Variants in XPR1 observed in about 807,000 individuals in gnomAD.
The protein encoded by XPR1 is xenotropic and polytropic retrovirus receptor 1, also known as solute carrier family 53 member 1.
XPR1 carries 28 observed loss-of-function variants against 87.5 expected under a neutral mutation model. The observed-to-expected ratio is 0.32, with a 90% CI of 0.24 to 0.44. The LOEUF (loss-of-function observed/expected upper bound fraction) is 0.44. Among genes scored for constraint, XPR1 ranks in the 20% least tolerant of loss-of-function variants. XPR1 has a pLI of 1.00. For synonymous variants in XPR1, 300 were observed against 306.1 expected (o/e 0.98, Z 0.21); for missense variants, 559 against 862.3 (o/e 0.65, Z 4.41).
At chr1:180,734,973 T>C (rs1322312712) in intron 2 of XPR1, among the ~76,000 whole-genome samples, 1 of 152,196 alleles carries the variant, frequency 6.6e-6, no homozygotes, top group Non-Finnish European at 1.5e-5. Flanking sequence ...TGTGCATAAT[T>C]AGTAGAATTC....
At chr1:180,876,909 T>C (rs1463827257) in intron 13 of XPR1, among the ~76,000 whole-genome samples, 2 of 152,124 alleles carry the variant, frequency 1.3e-5, no homozygotes, top group East Asian at 1.9e-4. Flanking sequence ...AGAACTATCA[T>C]AATTGGAAAG....
At chr1:180,688,417 A>G (rs1432586767) in intron 2 of XPR1, among the ~76,000 whole-genome samples, 1 of 151,958 alleles carries the variant, frequency 6.6e-6, no homozygotes, top group Non-Finnish European at 1.5e-5. Flanking sequence ...TGCATATTTA[A>G]ATTTTTACTA....
Position 180,806,147 on chromosome 1 carries a change from C to T in XPR1, c.533C>T (p.Ala178Val). The change falls in exon 5 of 15, where the codon GCT (alanine) becomes GTT (valine). Residue 178 changes from alanine to valine, a missense_variant. Ala to Val is a moderately conservative substitution (Grantham distance 64). Transcript: ENST00000367590. ...ETSRGADWRV[A>V]HVEVAPFYTC... is the part of the protein sequence containing the mutation. ...TCTCGTGGAGCAGATTGGCGAGTGG[C>T]TCACGTAGAGGTGGCCCCATTTTAT... 6.2e-7 allele frequency: 1 copy of T among 1,613,792 alleles called. No homozygotes were observed. Among genetic ancestry groups the T allele is most frequent in the Non-Finnish European group, 8.5e-7 (1 of 1,179,804 alleles).
intron 2 of XPR1, among the ~76,000 whole-genome samples, chr1:180,721,856 A>C (rs71630279): frequency 6.6e-6 from 1 of 152,210 alleles, no homozygotes; most frequent in African/African-American, 2.4e-5. Context: ...TTGTAAGAAT[A>C]CAGTATATAA....
chr1:180,855,272 T>A, intron 11 of XPR1, among the ~76,000 whole-genome samples: 1 of 152,214 alleles, frequency 6.6e-6, no homozygotes. Flanking sequence ...GTGAAAAGAA[T>A]GTCATAGGAA....
At position 180,888,858 on chromosome 1, in the gene XPR1, T is replaced by C. The variant is rs1168457964; in HGVS notation, c.*4792T>C. On this transcript the variant is annotated 3_prime_UTR_variant, in exon 15 of 15. Transcript: ENST00000367590. ...ATATGATAGCATGAGAAATTTGCAC[T>C]GGTTGGTGTTACAAACCAATGATCT... The C allele has an allele frequency of 6.6e-6, 1 of 152,234 alleles. No homozygotes were observed. Among genetic ancestry groups the C allele is most frequent in the Non-Finnish European group, 1.5e-5 (1 of 68,034 alleles). 9.4% of individuals were successfully genotyped at this position (152,234 alleles called of 1,614,324 possible). A position where few individuals can be genotyped will look rare whatever the true frequency, so the allele number is the denominator to read the frequency against.
chr1:180,731,010 C>T (rs1198414484), intron 2 of XPR1, among the ~76,000 whole-genome samples: 7 of 152,188 alleles, frequency 4.6e-5, no homozygotes, highest in Middle Eastern at 3.4e-3. Flanking sequence ...ATTCTCTGTT[C>T]CCTGCATCTG....
intron 2 of XPR1, among the ~76,000 whole-genome samples, chr1:180,754,425 T>C (rs774389540): frequency 2.0e-5 from 3 of 152,098 alleles, no homozygotes; most frequent in Non-Finnish European, 2.9e-5. Context: ...AAACCCAAGT[T>C]TGTCCTGTAC....
At position 180,880,219 on chromosome 1, in the gene XPR1, GGGTACGAAACCGCCAGAAGAATC is replaced by G; in HGVS notation, c.1956_1978del (p.Arg653MetfsTer22). The stretch of plus-strand genomic sequence containing the variant: ...GAACAGATGATGGACCAGGATGATG[GGGTACGAAACCGCCAGAAGAATC>G]GGTCATGGAAGTACAACCAGAGCAT... On this transcript the variant is annotated frameshift_variant, in exon 14 of 15. Coordinates refer to ENST00000367590, the MANE Select transcript of XPR1 (RefSeq NM_004736.4). LOFTEE classifies it high-confidence loss of function. 1 of 1,614,148 alleles carries G rather than the reference GGGTACGAAACCGCCAGAAGAATC, an allele frequency of 6.2e-7. No individual in the cohort carries two copies. Among genetic ancestry groups the G allele is most frequent in the East Asian group, 2.2e-5 (1 of 44,884 alleles).
intron 3 of XPR1, among the ~76,000 whole-genome samples, chr1:180,796,388 C>G (rs1043666743): frequency 1.3e-5 from 2 of 152,192 alleles, no homozygotes; most frequent in African/African-American, 4.8e-5. Context: ...TTTTTTCAAA[C>G]TACATATGGT....
chr1:180,657,692 G>T (rs1378234248), intron 1 of XPR1, among the ~76,000 whole-genome samples: 1 of 152,122 alleles, frequency 6.6e-6, no homozygotes, highest in Non-Finnish European at 1.5e-5. Context: ...GGTCACTATA[G>T]CTCTGTAGTA....
At chr1:180,696,871 T>C (rs1657192777) in intron 2 of XPR1, among the ~76,000 whole-genome samples, 1 of 152,198 alleles carries the variant, frequency 6.6e-6, no homozygotes, top group Non-Finnish European at 1.5e-5. Context: ...TTTGATGTAT[T>C]GATGGATTTT....
intron 1 of XPR1, among the ~76,000 whole-genome samples, chr1:180,667,190 G>A (rs924437348): frequency 6.6e-6 from 1 of 152,210 alleles, no homozygotes; most frequent in South Asian, 2.1e-4. Context: ...TGGGATTACA[G>A]GCATGAGCCA....
chr1:180,743,098 A>G (rs1490251749), intron 2 of XPR1, among the ~76,000 whole-genome samples: 3 of 151,870 alleles, frequency 2.0e-5, no homozygotes, highest in Non-Finnish European at 2.9e-5. Flanking sequence ...TTTAATTGGT[A>G]TGTTTAGATA....
chr1:180,801,736 A>G (rs1039556419), intron 3 of XPR1, among the ~76,000 whole-genome samples: 1 of 152,020 alleles, frequency 6.6e-6, no homozygotes, highest in African/African-American at 2.4e-5. Context: ...ATTCTTTGTT[A>G]TTATTATATA....
chr1:180,793,431 C>T (rs1165976725), intron 3 of XPR1, among the ~76,000 whole-genome samples: 2 of 151,918 alleles, frequency 1.3e-5, no homozygotes, highest in Non-Finnish European at 2.9e-5. Context: ...ACAAATGATA[C>T]ATGTGTCTAG....
rs542465078 is a variant in XPR1 at position 180,801,785 on chromosome 1, A to ATTTT, written c.224-1593_224-1590dup. 3.7e-3 allele frequency among the ~76,000 whole-genome samples: 535 copies of ATTTT among 145,216 alleles called. 8 individuals carry two copies. The highest frequency in any genetic ancestry group is 0.012 in the African/African-American group (484 of 39,650). On this transcript the variant is annotated intron_variant, in intron 3 of 14. Transcript: ENST00000367590. ...TTTATTGAGTGCTATGTCCCTTGGC[A>ATTTT]TTTTTTTTTTTTTGAGACAGTGTCT... is the stretch of plus-strand genomic sequence containing the variant.
chr1:180,714,185 C>T (rs958072092), intron 2 of XPR1, among the ~76,000 whole-genome samples: 1 of 152,076 alleles, frequency 6.6e-6, no homozygotes, highest in Non-Finnish European at 1.5e-5. Flanking sequence ...AAGCTATAGC[C>T]TTGTCAACTC....
At chr1:180,699,512 A>G (rs1440470500) in intron 2 of XPR1, among the ~76,000 whole-genome samples, 4 of 60,594 alleles carry the variant, frequency 6.6e-5, no homozygotes, top group Non-Finnish European at 1.2e-4. Flanking sequence ...ATGGTTTCCA[A>G]TTTCATCCAT....
Sources: allele counts gnomAD v4.1 joint callset (sites outside exome capture counted in the v4.1 genomes callset), GRCh38; gene constraint gnomAD v4.1.1; transcripts MANE v1.5; gene names NCBI Gene and HGNC (gene_info 2026-07-23, HGNC 2026-07-21).